The following LRBA variants were observed in gnomAD, a reference collection of about 807,000 sequenced individuals.
LRBA encodes the protein LPS responsive beige-like anchor protein, also known as lipopolysaccharide-responsive and beige-like anchor protein.
Under a neutral mutation model 330.0 loss-of-function variants are expected in LRBA, and 176 were observed. That is an observed-to-expected ratio of 0.53 (90% CI 0.47 to 0.60). The LOEUF is 0.60. Among genes scored for constraint, LRBA ranks in the 20% least tolerant of loss-of-function variants. The probability of loss-of-function intolerance (pLI) is 0.00; values close to 1 mark genes in which losing one functional copy is unlikely to be tolerated. For missense variants in LRBA, 3,259 were observed against 3,444.8 expected, an observed-to-expected ratio of 0.95 and a Z score of 1.35; for synonymous variants, 1,230 against 1,193.0, an observed-to-expected ratio of 1.03 and a Z score of -0.64.
In LRBA at chr4:150,852,136, G is replaced by C. The variant is rs749173978; in HGVS notation, c.3574C>G (p.Pro1192Ala). The C allele has an allele frequency of 1.2e-6, 2 of 1,613,962 alleles. No individual in the cohort carries two copies. Among genetic ancestry groups the C allele is most frequent in the Non-Finnish European group, 1.7e-6 (2 of 1,179,966 alleles). Residue 1192 changes from proline (P) to alanine (A), a missense_variant, in exon 23 of 57, where the codon CCA becomes GCA. Coordinates refer to ENST00000651943, the MANE Select transcript of LRBA (RefSeq NM_001364905.1). ...MTASGSSAMS[P>A]ETTVSQIAVE... ...GCTATTTGGGAAACAGTAGTTTCTG[G>C]TGACATAGCTGAAGACCCTGATGCT... is the stretch of plus-strand genomic sequence containing the variant.
intron 2 of LRBA, among the ~76,000 whole-genome samples, chr4:150,953,659 G>C (rs1165483061): frequency 6.6e-6 from 1 of 152,038 alleles, no homozygotes; most frequent in Non-Finnish European, 1.5e-5. Flanking sequence ...CTCACTCACT[G>C]AGTGCTCAAT....
At chr4:150,816,567 A>G (rs1053277439) in intron 31 of LRBA, among the ~76,000 whole-genome samples, 1 of 151,988 alleles carries the variant, frequency 6.6e-6, no homozygotes, top group Non-Finnish European at 1.5e-5. Flanking sequence ...GATGGACAAA[A>G]ATAAAAGTGC....
intron 28 of LRBA, 57 bp from the exon 29 acceptor site, chr4:150,832,033 T>C: frequency 9.6e-7 from 1 of 1,047,096 alleles, no homozygotes; most frequent in Non-Finnish European, 1.3e-6. Context: ...ATCATTATAT[T>C]TTACATCACA....
At chr4:150,508,985 C>CTACA (rs1284653148) in intron 40 of LRBA, among the ~76,000 whole-genome samples, 2 of 152,138 alleles carry the variant, frequency 1.3e-5, no homozygotes, top group Admixed American at 1.3e-4. Context: ...TATTCTCTGA[C>CTACA]TACAATAGAA....
At chr4:150,805,207 GAAGGAAGGAAGGA>G (rs1742403008) in intron 33 of LRBA, among the ~76,000 whole-genome samples, 2 of 47,450 alleles carry the variant, frequency 4.2e-5, no homozygotes, top group Admixed American at 2.5e-4. Flanking sequence ...CAGAAGGAAG[GAAGGAAGGAAGGA>G]AAGGAAAGGA....
At chr4:150,500,402 CCT>C (rs760734694) in intron 40 of LRBA, among the ~76,000 whole-genome samples, 77 of 151,912 alleles carry the variant, frequency 5.1e-4, no homozygotes, top group Non-Finnish European at 9.0e-4. Context: ...ATGGTGAAAC[CCT>C]GTCTCTACTA....
At chr4:150,623,798 T>C (rs1289967587) in intron 37 of LRBA, among the ~76,000 whole-genome samples, 1 of 152,172 alleles carries the variant, frequency 6.6e-6, no homozygotes, top group Non-Finnish European at 1.5e-5. Context: ...AAGAAAATTT[T>C]ATACAATTTA....
At chr4:150,557,159 A>G (rs1416457095) in intron 40 of LRBA, among the ~76,000 whole-genome samples, 5 of 152,284 alleles carry the variant, frequency 3.3e-5, no homozygotes, top group African/African-American at 1.2e-4. Flanking sequence ...ATGAAGGGGT[A>G]AGTAAAAAAA....
chr4:150,514,361 C>T (rs770532743), intron 40 of LRBA, among the ~76,000 whole-genome samples: 69 of 151,990 alleles, frequency 4.5e-4, no homozygotes, highest in Middle Eastern at 3.2e-3. Context: ...TGTGAGCCAC[C>T]ACATGCCGGG....
chr4:150,926,326 T>G (rs945726178), intron 4 of LRBA, among the ~76,000 whole-genome samples: 1 of 152,200 alleles, frequency 6.6e-6, no homozygotes, highest in African/African-American at 2.4e-5. Context: ...TCCTGTCCTA[T>G]GTCTGAGACT....
chr4:150,351,999 A>G (rs911937825), intron 47 of LRBA, among the ~76,000 whole-genome samples: 1 of 152,202 alleles, frequency 6.6e-6, no homozygotes, highest in African/African-American at 2.4e-5. Flanking sequence ...GTACTCACAC[A>G]TTTTCAGACC....
intron 13 of LRBA, among the ~76,000 whole-genome samples, chr4:150,903,219 C>T (rs1579150525): frequency 6.6e-6 from 1 of 151,732 alleles, no homozygotes; most frequent in Admixed American, 6.6e-5. Context: ...CTAGTCTCTA[C>T]AAAAAAATTT....
At chr4:150,826,762 G>A (rs369503766) in intron 30 of LRBA, among the ~76,000 whole-genome samples, 3 of 151,992 alleles carry the variant, frequency 2.0e-5, no homozygotes, top group East Asian at 3.9e-4. Context: ...GAGGTCACAA[G>A]GACCTTTATG....
intron 37 of LRBA, among the ~76,000 whole-genome samples, chr4:150,668,388 G>A (rs760876383): frequency 6.6e-6 from 1 of 151,900 alleles, no homozygotes; most frequent in Non-Finnish European, 1.5e-5. Flanking sequence ...ATGATGTGGT[G>A]TTACCAAATC....
At chr4:150,285,309 A>C (rs1423032578) in intron 54 of LRBA, among the ~76,000 whole-genome samples, 4 of 152,242 alleles carry the variant, frequency 2.6e-5, no homozygotes, top group African/African-American at 9.6e-5. Flanking sequence ...AACGAATTGG[A>C]AACAGCTCCA....
In LRBA at chr4:150,813,379, T is replaced by C. The variant is rs1371266617; in HGVS notation, c.5305+3745A>G. Among the ~76,000 whole-genome samples, 5 of 152,080 alleles carry C rather than the reference T, an allele frequency of 3.3e-5. No homozygotes were observed. In the East Asian group the frequency reaches 9.6e-4, roughly 29 times the overall value. On this transcript the variant is annotated intron_variant, in intron 31 of 56. Transcript: ENST00000651943. ...ACTTATTAATTAGAAGATACAATTG[T>C]TGCTCTTAGACTAGTCCTTTTGGTT... is the stretch of plus-strand genomic sequence containing the variant.
Position 150,908,701 on chromosome 4 carries a change from G to C in LRBA, c.1318C>G (p.Pro440Ala), listed in dbSNP as rs1731615926. 1 of 1,613,816 alleles carries C rather than the reference G, an allele frequency of 6.2e-7. No individual in the cohort carries two copies. The highest frequency in any genetic ancestry group is 1.3e-5 in the African/African-American group (1 of 74,916). The change falls in exon 10 of 57, where the codon CCT becomes GCT. Residue 440 changes from proline to alanine, a missense_variant. Physicochemically the swap from Pro to Ala is conservative, Grantham distance 27. Transcript: ENST00000651943. Reference sequence around the variant, plus strand: ...TGTGGTGAATGAACAAAAATTGAAGGGTTGTCCTTAGGAGATGATTCAAGA... The same window carrying C: ...TGTGGTGAATGAACAAAAATTGAAGCGTTGTCCTTAGGAGATGATTCAAGA... ...LCLESSPKDN[P>A]SIFVHSPHAL...
intron 36 of LRBA, among the ~76,000 whole-genome samples, chr4:150,704,034 C>T (rs773601217): frequency 6.6e-6 from 1 of 151,962 alleles, no homozygotes; most frequent in East Asian, 1.9e-4. Flanking sequence ...TAGCAAGACC[C>T]CATCTCTACA....
intron 48 of LRBA, among the ~76,000 whole-genome samples, chr4:150,344,239 T>A (rs1735975798): frequency 1.3e-5 from 2 of 152,248 alleles, no homozygotes; most frequent in Admixed American, 1.3e-4. Flanking sequence ...TAAATTGTGG[T>A]GATGCTTGTA....
Sources: allele counts gnomAD v4.1 joint callset (sites outside exome capture counted in the v4.1 genomes callset), GRCh38; gene constraint gnomAD v4.1.1; transcripts MANE v1.5; gene names NCBI Gene and HGNC (gene_info 2026-07-23, HGNC 2026-07-21).